Variants in AKAP13 observed in about 807,000 individuals in gnomAD.
AKAP13 encodes A-kinase anchor protein 13.
A neutral mutation model predicts 264.5 loss-of-function variants in AKAP13; 80 were observed. The observed-to-expected ratio is 0.30, with a 90% confidence interval of 0.25 to 0.36. The LOEUF is 0.36. Ranked by LOEUF, AKAP13 falls within the 10% of genes least tolerant of loss-of-function variation. The probability of loss-of-function intolerance (pLI) is 1.00; values close to 1 mark genes in which losing one functional copy is unlikely to be tolerated. For missense variants in AKAP13, 3,712 were observed against 3,435.2 expected (o/e 1.08, Z -2.01); for synonymous variants, 1,380 against 1,250.2 (o/e 1.10, Z -2.19).
At position 85,655,743 on chromosome 15, in the gene AKAP13, G is replaced by T; in HGVS notation, c.4701G>T (p.Gly1567=). 2 of 1,612,450 alleles carry T rather than the reference G, an allele frequency of 1.2e-6. No homozygotes were observed. The highest frequency in any genetic ancestry group is 1.7e-6 in the Non-Finnish European group (2 of 1,178,646). Residue 1567 remains glycine, a synonymous_variant, in exon 11 of 37, where the codon GGG becomes GGT. Coordinates refer to ENST00000394518, the MANE Select transcript of AKAP13 (RefSeq NM_007200.5). ...CTCCCTTCCGGAGGCACAGCTGGGG[G>T]CCTGGGAAAAATGCAGCCAGCGATG... ...SLSPFRRHSW[G]PGKNAASDAE... is the part of the protein sequence containing the mutation.
At chr15:85,568,037 C>T (rs1299426747) in intron 5 of AKAP13, among the ~76,000 whole-genome samples, 7 of 151,670 alleles carry the variant, frequency 4.6e-5, no homozygotes, top group African/African-American at 1.7e-4. Flanking sequence ...AATCCCAGCA[C>T]TTTGGGAGAC....
At chr15:85,664,890 A>T in intron 13 of AKAP13, 135 bp downstream of exon 13, 1 of 834,312 alleles carries the variant, frequency 1.2e-6, no homozygotes, top group East Asian at 2.8e-5. Context: ...TCTAGCACTA[A>T]ACCAAGTGTT....
In AKAP13 at chr15:85,730,505, TC is replaced by T; in HGVS notation, c.7088-6del. ...ATCAAATCACAGATCATTTTCTCCTTCCTGCAGAACAACTTCACCAGAAGGA... is the reference window on the plus strand; with the variant it reads ...ATCAAATCACAGATCATTTTCTCCTTCTGCAGAACAACTTCACCAGAAGGA... On this transcript the variant is annotated splice_region_variant and splice_polypyrimidine_tract_variant and intron_variant, in intron 29 of 36. Transcript: ENST00000394518. The T allele has an allele frequency of 6.2e-7, 1 of 1,612,790 alleles. No homozygotes were observed. The highest frequency in any genetic ancestry group is 8.5e-7 in the Non-Finnish European group (1 of 1,179,008).
At chr15:85,705,980 A>G (rs1350215024) in intron 17 of AKAP13, among the ~76,000 whole-genome samples, 1 of 152,228 alleles carries the variant, frequency 6.6e-6, no homozygotes, top group Non-Finnish European at 1.5e-5. Context: ...AGCATTATAT[A>G]TTGAGGATTC....
At chr15:85,647,471 G>A (rs760364682) in intron 10 of AKAP13, among the ~76,000 whole-genome samples, 1 of 151,466 alleles carries the variant, frequency 6.6e-6, no homozygotes, top group Non-Finnish European at 1.5e-5. Flanking sequence ...GAGCATATCA[G>A]TGCCTCTGTG....
intron 1 of AKAP13, among the ~76,000 whole-genome samples, chr15:85,412,057 T>A (rs1402606821): frequency 1.3e-5 from 2 of 152,230 alleles, no homozygotes; most frequent in African/African-American, 2.4e-5. Flanking sequence ...TTGGAAGATC[T>A]GCATAACTCA....
intron 2 of AKAP13, among the ~76,000 whole-genome samples, chr15:85,520,337 A>G (rs1319455391): frequency 1.3e-5 from 2 of 151,928 alleles, no homozygotes; most frequent in African/African-American, 4.8e-5. Context: ...TCTACTAAAA[A>G]TACAAAAAAA....
intron 14 of AKAP13, among the ~76,000 whole-genome samples, chr15:85,679,462 G>C (rs2084458864): frequency 6.6e-6 from 1 of 152,186 alleles, no homozygotes; most frequent in East Asian, 1.9e-4. Flanking sequence ...GGAGGGGTTG[G>C]TTCATGGCCA....
intron 35 of AKAP13, 146 bp downstream of exon 35, chr15:85,741,641 T>C: frequency 3.8e-6 from 5 of 1,299,630 alleles, no homozygotes; most frequent in Non-Finnish European, 4.9e-6. Flanking sequence ...TTTAGGAGGC[T>C]GAGGTGAGAG....
intron 5 of AKAP13, among the ~76,000 whole-genome samples, chr15:85,564,285 T>G (rs1200242745): frequency 6.6e-6 from 1 of 152,222 alleles, no homozygotes; most frequent in Non-Finnish European, 1.5e-5. Flanking sequence ...AATGAACTCC[T>G]ATATATCCTT....
chr15:85,520,773 T>C, intron 2 of AKAP13: 1 of 512,296 alleles, frequency 2.0e-6, no homozygotes, highest in South Asian at 1.4e-5. Flanking sequence ...TTGTTTAAAC[T>C]ATGGGGATAC....
At chr15:85,642,672 C>G (rs193144034) in intron 9 of AKAP13, among the ~76,000 whole-genome samples, 28 of 152,308 alleles carry the variant, frequency 1.8e-4, no homozygotes, top group African/African-American at 6.7e-4. Context: ...AGCAGACTCT[C>G]GTCCCAAACT....
chr15:85,474,024 T>C (rs2075060691), intron 1 of AKAP13, among the ~76,000 whole-genome samples: 1 of 152,210 alleles, frequency 6.6e-6, no homozygotes, highest in South Asian at 2.1e-4. Context: ...TACAGCCCAC[T>C]CAACTACTAG....
intron 13 of AKAP13, among the ~76,000 whole-genome samples, chr15:85,666,179 C>T (rs1056509061): frequency 3.9e-5 from 6 of 152,208 alleles, no homozygotes; most frequent in African/African-American, 7.2e-5. Flanking sequence ...ATATCCTCTC[C>T]AGCATCTGTT....
At chr15:85,492,615 C>CA (rs773208369) in intron 2 of AKAP13, among the ~76,000 whole-genome samples, 3 of 152,116 alleles carry the variant, frequency 2.0e-5, no homozygotes, top group Admixed American at 1.3e-4. Context: ...GTATAATTAA[C>CA]AAAAAACAGG....
At chr15:85,707,516 T>C (rs891368812) in intron 17 of AKAP13, among the ~76,000 whole-genome samples, 5 of 152,230 alleles carry the variant, frequency 3.3e-5, no homozygotes, top group African/African-American at 1.2e-4. Context: ...CTGTGCTTTA[T>C]TACAGTCATA....
At chr15:85,676,247 A>G (rs1597017539) in intron 14 of AKAP13, among the ~76,000 whole-genome samples, 1 of 152,340 alleles carries the variant, frequency 6.6e-6, no homozygotes, top group Non-Finnish European at 1.5e-5. Flanking sequence ...TTACAGTAGT[A>G]GACAATGTCC....
chr15:85,600,852 T>G (rs1258261043), intron 8 of AKAP13, among the ~76,000 whole-genome samples: 1 of 152,328 alleles, frequency 6.6e-6, no homozygotes, highest in East Asian at 1.9e-4. Flanking sequence ...CTGTGGCTCT[T>G]CCTAATATCA....
intron 1 of AKAP13, among the ~76,000 whole-genome samples, chr15:85,442,740 T>TTTTGTGCAATTGAAAA (rs1211422646): frequency 6.6e-6 from 1 of 151,634 alleles, no homozygotes; most frequent in Non-Finnish European, 1.5e-5. Context: ...ACACTTTTAA[T>TTTTGTGCAATTGAAAA]TTTGTGCAAT....
Sources: gnomAD v4.1 joint callset for allele counts (sites outside exome capture counted in the v4.1 genomes callset) on GRCh38, gnomAD v4.1.1 for gene constraint, MANE v1.5 for transcripts, NCBI Gene and HGNC (gene_info 2026-07-23, HGNC 2026-07-21) for gene names.